Variants in OPCML observed in about 807,000 individuals in gnomAD.
OPCML encodes opioid binding protein/cell adhesion molecule like, also known as opioid-binding protein/cell adhesion molecule.
Under a neutral mutation model 37.8 loss-of-function variants are expected in OPCML, and 13 were observed. That is an observed-to-expected ratio of 0.34 (90% CI 0.22 to 0.55). The LOEUF (loss-of-function observed/expected upper bound fraction) is 0.55, where lower values mean the gene tolerates loss of function less well. Ranked by LOEUF, OPCML falls within the 20% of genes least tolerant of loss-of-function variation. The pLI is 0.91. For missense variants in OPCML, 341 were observed against 435.6 expected (o/e 0.78, Z 1.93); for synonymous variants, 176 against 168.8 (o/e 1.04, Z -0.33).
At chr11:132,947,203 G>A (rs142817399) in intron 1 of OPCML, among the ~76,000 whole-genome samples, 2 of 152,344 alleles carry the variant, frequency 1.3e-5, no homozygotes, top group East Asian at 3.9e-4. Context: ...TAAGGAAAAA[G>A]AGAAAGGCTA....
At chr11:132,460,294 T>C (rs1207224396) in intron 4 of OPCML, among the ~76,000 whole-genome samples, 3 of 152,126 alleles carry the variant, frequency 2.0e-5, no homozygotes, top group Admixed American at 6.6e-5. Context: ...GCTACATTGA[T>C]TAGTGCCAAG....
At chr11:132,998,363 G>A (rs1946926190) in intron 1 of OPCML, among the ~76,000 whole-genome samples, 1 of 152,096 alleles carries the variant, frequency 6.6e-6, no homozygotes. Flanking sequence ...TCTCACTTGG[G>A]GGGAGCCTGT....
At chr11:132,715,247 T>G (rs900608674) in intron 2 of OPCML, among the ~76,000 whole-genome samples, 26 of 152,228 alleles carry the variant, frequency 1.7e-4, no homozygotes, top group African/African-American at 5.8e-4. Flanking sequence ...TACTCATCTG[T>G]TCAACACAGA....
intron 2 of OPCML, among the ~76,000 whole-genome samples, chr11:132,905,767 T>C (rs1351950645): frequency 6.6e-6 from 1 of 152,188 alleles, no homozygotes; most frequent in Non-Finnish European, 1.5e-5. Flanking sequence ...AGCATTTTCT[T>C]CCAGTATAAG....
intron 1 of OPCML, among the ~76,000 whole-genome samples, chr11:133,002,451 A>C (rs1015092370): frequency 2.0e-5 from 3 of 152,222 alleles, no homozygotes; most frequent in Non-Finnish European, 2.9e-5. Flanking sequence ...CTCACCGCTT[A>C]CATCCATGTC....
In OPCML at chr11:133,496,236, C is replaced by T. The variant is rs549631277; in HGVS notation, c.61+36028G>A. Among the ~76,000 whole-genome samples, 90 of 152,182 alleles carry T rather than the reference C, an allele frequency of 5.9e-4. 1 individual carries two copies. Among genetic ancestry groups the T allele is most frequent in the South Asian group, 1.9e-3 (9 of 4,818 alleles). On this transcript the variant is annotated intron_variant, in intron 1 of 7. Coordinates refer to ENST00000524381, the MANE Select transcript of OPCML (RefSeq NM_001012393.5). ...AGTATTTGGGTTTAATTCTGGGTTC[C>T]CTATTCTGTTCCATTGGTCTATGTG... is the stretch of plus-strand genomic sequence containing the variant.
intron 2 of OPCML, among the ~76,000 whole-genome samples, chr11:132,831,672 C>G (rs551952933): frequency 3.3e-3 from 503 of 152,144 alleles, no homozygotes; most frequent in Non-Finnish European, 6.1e-3. Context: ...TTGACCCTCT[C>G]TCCTGACTCC....
At chr11:133,318,223 G>A (rs1252616468) in intron 1 of OPCML, among the ~76,000 whole-genome samples, 1 of 152,166 alleles carries the variant, frequency 6.6e-6, no homozygotes, top group Non-Finnish European at 1.5e-5. Context: ...TATTTGCTTG[G>A]CTAAATGTTA....
At chr11:132,720,363 T>C (rs1039129427) in intron 2 of OPCML, among the ~76,000 whole-genome samples, 1 of 152,214 alleles carries the variant, frequency 6.6e-6, no homozygotes, top group East Asian at 1.9e-4. Flanking sequence ...GGGCCTCCTA[T>C]GGCCTGCCTC....
At chr11:133,333,215 TG>T (rs1274147278) in intron 1 of OPCML, among the ~76,000 whole-genome samples, 3 of 152,050 alleles carry the variant, frequency 2.0e-5, no homozygotes, top group Non-Finnish European at 2.9e-5. Context: ...CCCACCACCA[TG>T]CCCAGTACAT....
intron 1 of OPCML, among the ~76,000 whole-genome samples, chr11:132,981,605 T>C (rs1591876254): frequency 6.6e-6 from 1 of 152,274 alleles, no homozygotes; most frequent in South Asian, 2.1e-4. Flanking sequence ...GGAAAATTAA[T>C]CTGACGATTA....
chr11:132,807,916 A>G (rs1171453820), intron 2 of OPCML, among the ~76,000 whole-genome samples: 2 of 151,140 alleles, frequency 1.3e-5, no homozygotes, highest in East Asian at 1.9e-4. Context: ...AAGGCCATCA[A>G]AATTCTGATT....
intron 4 of OPCML, among the ~76,000 whole-genome samples, chr11:132,445,494 G>A (rs1276251484): frequency 6.6e-6 from 1 of 151,984 alleles, no homozygotes; most frequent in African/African-American, 2.4e-5. Flanking sequence ...TCTTGTAGGT[G>A]GAGGCAGAAG....
chr11:133,377,821 T>G (rs1267982927), intron 1 of OPCML, among the ~76,000 whole-genome samples: 2 of 152,112 alleles, frequency 1.3e-5, no homozygotes, highest in Non-Finnish European at 2.9e-5. Context: ...GTTTCCCCAC[T>G]GAGCCCAGAT....
intron 1 of OPCML, among the ~76,000 whole-genome samples, chr11:132,980,787 C>G (rs1024965813): frequency 6.6e-6 from 1 of 152,190 alleles, no homozygotes. Flanking sequence ...AAGGGTTTCC[C>G]TTCAATTAAC....
chr11:133,044,045 G>C (rs1227715134), intron 1 of OPCML, among the ~76,000 whole-genome samples: 1 of 152,214 alleles, frequency 6.6e-6, no homozygotes, highest in East Asian at 1.9e-4. Flanking sequence ...AGTGTCCTCT[G>C]TGTTGAATGC....
intron 4 of OPCML, among the ~76,000 whole-genome samples, chr11:132,455,389 G>T (rs1013972486): frequency 6.6e-6 from 1 of 152,138 alleles, no homozygotes; most frequent in Admixed American, 6.5e-5. Flanking sequence ...CCATAGCAGT[G>T]TCCCTGTGGG....
intron 1 of OPCML, among the ~76,000 whole-genome samples, chr11:133,217,812 G>A (rs61553248): frequency 0.032 from 4,899 of 152,270 alleles, 274 homozygotes; most frequent in African/African-American, 0.11. Flanking sequence ...CAGCACTATG[G>A]GATGCCAAGT....
At chr11:132,739,573 C>A (rs1945372112) in intron 2 of OPCML, among the ~76,000 whole-genome samples, 1 of 152,138 alleles carries the variant, frequency 6.6e-6, no homozygotes, top group African/African-American at 2.4e-5. Flanking sequence ...TAATACCAAC[C>A]TAATAATTAT....
Sources: allele counts gnomAD v4.1 joint callset (sites outside exome capture counted in the v4.1 genomes callset), GRCh38; gene constraint gnomAD v4.1.1; transcripts MANE v1.5; gene names NCBI Gene and HGNC (gene_info 2026-07-23, HGNC 2026-07-21).